The following EIF5B variants were observed in gnomAD, a reference collection of about 807,000 sequenced individuals.
EIF5B encodes eukaryotic translation initiation factor 5B.
EIF5B carries 47 observed loss-of-function variants against 147.5 expected under a neutral mutation model. The ratio of observed to expected loss-of-function variants is 0.32; its 90% confidence interval spans 0.25 to 0.41. The LOEUF is 0.41. Among genes scored for constraint, EIF5B ranks in the 10% least tolerant of loss-of-function variants. The pLI is 1.00. For synonymous variants in EIF5B, 455 were observed against 456.2 expected, an observed-to-expected ratio of 1.00 and a Z score of 0.03; for missense variants, 1,064 against 1,413.2, an observed-to-expected ratio of 0.75 and a Z score of 3.96.
intron 1 of EIF5B, among the ~76,000 whole-genome samples, chr2:99,349,454 A>G (rs959503008): frequency 1.3e-5 from 2 of 152,150 alleles, no homozygotes; most frequent in Non-Finnish European, 2.9e-5. Context: ...CATGAGGTTA[A>G]TTTTCCTTTT....
At chr2:99,386,240 G>A (rs1482546538) in intron 14 of EIF5B, among the ~76,000 whole-genome samples, 1 of 152,118 alleles carries the variant, frequency 6.6e-6, no homozygotes, top group Admixed American at 6.5e-5. Context: ...AGTGACTAAT[G>A]GCTTTATGCA....
chr2:99,397,090 G>A, intron 22 of EIF5B, 192 bp downstream of exon 22: 1 of 511,946 alleles, frequency 2.0e-6, no homozygotes, highest in Non-Finnish European at 3.2e-6. Context: ...TTTAAAACAA[G>A]CAGAGCCTGT....
intron 6 of EIF5B, among the ~76,000 whole-genome samples, chr2:99,367,809 A>C (rs1674362081): frequency 6.6e-6 from 1 of 152,086 alleles, no homozygotes; most frequent in Admixed American, 6.6e-5. Context: ...ACTTTGGAAA[A>C]CAACTGGCAG....
At chr2:99,337,738 C>T (rs1559239505) in intron 1 of EIF5B, 149 bp downstream of exon 1, 1 of 1,080,802 alleles carries the variant, frequency 9.3e-7, no homozygotes, top group East Asian at 3.0e-5. Context: ...GGAGCGGGCC[C>T]AAGCCCCCGG....
In EIF5B at chr2:99,361,687, TA is replaced by T; in HGVS notation, c.791del (p.Lys264ArgfsTer18). ...AAGAAAAAGAAGAGTTAGAAACAGGTAAAAAGGATCAGAGTAAACAAAAGGA... is the reference window on the plus strand; with the variant it reads ...AAGAAAAAGAAGAGTTAGAAACAGGTAAAAGGATCAGAGTAAACAAAAGGA... ...LKEKEELETG[K>X]KDQSKQKESQ... On this transcript the variant is annotated frameshift_variant, in exon 4 of 24. Transcript: ENST00000289371. LOFTEE classifies it high-confidence loss of function. 1 of 1,600,590 alleles carries T rather than the reference TA, an allele frequency of 6.2e-7. No individual in the cohort carries two copies. The highest frequency in any genetic ancestry group is 8.5e-7 in the Non-Finnish European group (1 of 1,176,892).
chr2:99,344,961 A>C (rs573256583), intron 1 of EIF5B, among the ~76,000 whole-genome samples: 7 of 152,222 alleles, frequency 4.6e-5, no homozygotes, highest in African/African-American at 1.7e-4. Flanking sequence ...ATAATGTATT[A>C]TAAGAAACAT....
At chr2:99,341,236 T>C (rs2094258939) in intron 1 of EIF5B, among the ~76,000 whole-genome samples, 1 of 152,220 alleles carries the variant, frequency 6.6e-6, no homozygotes, top group Non-Finnish European at 1.5e-5. Context: ...AATTCATTTC[T>C]TACTTGCATA....
chr2:99,396,161 T>C (rs1264615636), intron 21 of EIF5B, among the ~76,000 whole-genome samples: 4 of 152,180 alleles, frequency 2.6e-5, no homozygotes, highest in African/African-American at 9.7e-5. Context: ...GGATTTAGAC[T>C]GGTATATGCT....
Position 99,400,346 on chromosome 2 carries a change from C to T in EIF5B, c.*932C>T, listed in dbSNP as rs573421677. ...CATTTCCTGATATTTGGGCTTAGTG[C>T]TTCTAAATTGTTGCAGACACAAAAC... On this transcript the variant is annotated 3_prime_UTR_variant, in exon 24 of 24. Transcript: ENST00000289371. 1 of 152,270 alleles carries T rather than the reference C, an allele frequency of 6.6e-6. No homozygotes were observed. Among genetic ancestry groups the T allele is most frequent in the African/African-American group, 2.4e-5 (1 of 41,550 alleles). The allele number at this position is 152,270 out of a possible 1,614,324, so 9.4% of individuals were successfully genotyped here.
rs370092323 is a variant in EIF5B, at chr2:99,401,206, C to T, written c.*1792C>T. Reference sequence around the variant, plus strand: ...AAATACCTCACAAGCACTTATGGCACAGCTATCAGAGAGCATCAGGCTCTC... The same window carrying T: ...AAATACCTCACAAGCACTTATGGCATAGCTATCAGAGAGCATCAGGCTCTC... On this transcript the variant is annotated 3_prime_UTR_variant, in exon 24 of 24. Transcript: ENST00000289371. The T allele has an allele frequency of 2.4e-5, 31 of 1,298,140 alleles. No homozygotes were observed. The highest frequency in any genetic ancestry group is 3.2e-5 in the Non-Finnish European group (29 of 893,892). 80.4% of individuals were successfully genotyped at this position (1,298,140 alleles called of 1,614,324 possible).
chr2:99,346,728 G>A (rs1052938457), intron 1 of EIF5B, among the ~76,000 whole-genome samples: 6 of 144,798 alleles, frequency 4.1e-5, no homozygotes, highest in Non-Finnish European at 7.5e-5. Context: ...CCGCCACCAC[G>A]CCCAGATAAT....
In EIF5B at chr2:99,364,292, A is replaced by G. The variant is rs375743473; in HGVS notation, c.1159A>G (p.Arg387Gly). ...ATAGGAACGATTGGAACAAGAAAAA[A>G]GAGAAAGGAAAAAGCAAAAAGAAAA... ...KEEERLEQEKRERKKQKEKER... is the reference protein window; with the variant it reads ...KEEERLEQEKGERKKQKEKER... Residue 387 changes from arginine (R) to glycine (G), a missense_variant, in exon 6 of 24, where the codon AGA becomes GGA. Arg to Gly is a moderately radical substitution (Grantham distance 125, BLOSUM62 -2). Transcript: ENST00000289371. 1.9e-6 allele frequency: 3 copies of G among 1,601,710 alleles called. No homozygotes were observed. Among genetic ancestry groups the G allele is most frequent in the Non-Finnish European group, 1.7e-6 (2 of 1,176,864 alleles).
intron 4 of EIF5B, 135 bp from the exon 5 acceptor site, chr2:99,363,510 G>T: frequency 1.2e-6 from 1 of 827,890 alleles, no homozygotes. Context: ...ATGCCTTGAT[G>T]CCTGTAGAAC....
rs773328903 is a variant in EIF5B, at chr2:99,361,720, A to G, written c.819A>G (p.Gln273=). 2 of 1,596,916 alleles carry G rather than the reference A, an allele frequency of 1.3e-6. No individual in the cohort carries two copies. The highest frequency in any genetic ancestry group is 2.3e-5 in the South Asian group (2 of 86,656). Residue 273 remains glutamine (Q), a synonymous_variant, in exon 4 of 24, where the codon CAA becomes CAG. Transcript: ENST00000289371. ...ATCAGAGTAAACAAAAGGAATCTCAAAGGAAATTTGAAGAAGAAACTGTAA... is the reference window on the plus strand; with the variant it reads ...ATCAGAGTAAACAAAAGGAATCTCAGAGGAAATTTGAAGAAGAAACTGTAA... ...KKDQSKQKES[Q]RKFEEETVKS...
intron 18 of EIF5B, among the ~76,000 whole-genome samples, 153 bp downstream of exon 18, chr2:99,393,251 A>G (rs955380806): frequency 1.3e-5 from 2 of 152,166 alleles, no homozygotes; most frequent in Non-Finnish European, 2.9e-5. Flanking sequence ...CTTTTGAATT[A>G]CTTCAGTTTG....
chr2:99,357,154 A>G (rs1674113033), intron 1 of EIF5B, among the ~76,000 whole-genome samples: 1 of 152,194 alleles, frequency 6.6e-6, no homozygotes, highest in Admixed American at 6.5e-5. Flanking sequence ...GTAATTTTAT[A>G]ATAAATCTTA....
intron 1 of EIF5B, among the ~76,000 whole-genome samples, chr2:99,347,734 T>C (rs1007135041): frequency 2.0e-5 from 3 of 152,182 alleles, no homozygotes; most frequent in Admixed American, 1.3e-4. Context: ...TTTTGAGCTT[T>C]ACATGACAGA....
At chr2:99,380,475 T>C (rs1674665949) in intron 12 of EIF5B, among the ~76,000 whole-genome samples, 1 of 152,260 alleles carries the variant, frequency 6.6e-6, no homozygotes, top group Non-Finnish European at 1.5e-5. Flanking sequence ...CTTGAATCTT[T>C]CTCATACAAT....
chr2:99,388,562 C>T (rs541825070), intron 14 of EIF5B, among the ~76,000 whole-genome samples: 240 of 152,096 alleles, frequency 1.6e-3, no homozygotes, highest in Admixed American at 4.8e-3. Flanking sequence ...TCTTTTCCTG[C>T]GTATGTAGAG....
Sources: gnomAD v4.1 joint callset for allele counts (sites outside exome capture counted in the v4.1 genomes callset) on GRCh38, gnomAD v4.1.1 for gene constraint, MANE v1.5 for transcripts, NCBI Gene and HGNC (gene_info 2026-07-23, HGNC 2026-07-21) for gene names.